PGM2L1: variants seen among roughly 807,000 people sequenced by gnomAD.
PGM2L1 encodes the protein phosphoglucomutase 2 like 1, also known as glucose 1,6-bisphosphate synthase.
In PGM2L1, 35 loss-of-function variants were observed where a neutral mutation model predicts 73.4. The observed-to-expected ratio is 0.48, with a 90% CI of 0.36 to 0.63. The LOEUF (loss-of-function observed/expected upper bound fraction) is 0.63, where lower values mean the gene tolerates loss of function less well. Ranked by LOEUF, PGM2L1 falls within the 30% of genes least tolerant of loss-of-function variation. PGM2L1 has a pLI of 0.00. For synonymous variants in PGM2L1, 225 were observed against 253.8 expected, an observed-to-expected ratio of 0.89 and a Z score of 1.08; for missense variants, 570 against 742.0, an observed-to-expected ratio of 0.77 and a Z score of 2.69.
At chr11:74,366,551 T>A (rs1342778089) in intron 5 of PGM2L1, among the ~76,000 whole-genome samples, 1 of 150,948 alleles carries the variant, frequency 6.6e-6, no homozygotes. Context: ...TTAGATAAGG[T>A]AGCCAGGGAA....
chr11:74,383,842 T>TATATATAA (rs1484974192), intron 1 of PGM2L1, among the ~76,000 whole-genome samples: 1 of 146,794 alleles, frequency 6.8e-6, no homozygotes, highest in African/African-American at 2.5e-5. Context: ...TATATATATA[T>TATATATAA]AACATTTTCT....
chr11:74,387,962 A>G (rs1863040160), intron 1 of PGM2L1, among the ~76,000 whole-genome samples: 1 of 152,200 alleles, frequency 6.6e-6, no homozygotes, highest in African/African-American at 2.4e-5. Flanking sequence ...ATACTTGTAA[A>G]ATGCAGTTTT....
At chr11:74,345,441 G>A in intron 9 of PGM2L1, 28 bp downstream of exon 9, 1 of 1,564,314 alleles carries the variant, frequency 6.4e-7, no homozygotes, top group Middle Eastern at 1.8e-4. Flanking sequence ...GTTTTAAAAA[G>A]TAGCACACAG....
At chr11:74,361,208 G>A (rs925042384) in intron 5 of PGM2L1, among the ~76,000 whole-genome samples, 1 of 152,152 alleles carries the variant, frequency 6.6e-6, no homozygotes, top group African/African-American at 2.4e-5. Flanking sequence ...AGCTTCTAGA[G>A]GAACAATCAG....
intron 9 of PGM2L1, among the ~76,000 whole-genome samples, chr11:74,344,123 T>C (rs1862227813): frequency 6.6e-6 from 1 of 152,012 alleles, no homozygotes; most frequent in South Asian, 2.1e-4. Flanking sequence ...AAACACAGCC[T>C]TGAAAGATAA....
rs1862745187 is a variant in PGM2L1, at chr11:74,371,090, T to G, written c.387-104A>C. On this transcript the variant is annotated intron_variant, in intron 3 of 13. Coordinates refer to ENST00000298198, the MANE Select transcript of PGM2L1 (RefSeq NM_173582.6). ...TTATAATTAGTCTGAATAAATAGTA[T>G]CCTAATATAGCCCTTTCTTATAATC... The G allele has an allele frequency of 1.2e-5, 9 of 751,488 alleles. No individual in the cohort carries two copies. In the East Asian group the frequency reaches 2.5e-4, roughly 21 times the overall value. The allele number at this position is 751,488 out of a possible 1,614,324, so 46.6% of individuals were successfully genotyped here.
In PGM2L1 at chr11:74,391,826, GCTGGTA is replaced by G. The variant is rs929865765; in HGVS notation, c.111+6219_111+6224del. ...TGACTACGCTAGGTACCTTATATAA[GCTGGTA>G]TGGGTTTTCTCTGTTTTCATGTATA... On this transcript the variant is annotated intron_variant, in intron 1 of 13. Transcript: ENST00000298198. 2.2e-3 allele frequency among the ~76,000 whole-genome samples: 311 copies of G among 144,372 alleles called. 2 individuals carry two copies. The highest frequency in any genetic ancestry group is 7.8e-3 in the African/African-American group (299 of 38,184). The allele number at this position is 144,372 out of a possible 152,430, so 94.7% of individuals were successfully genotyped here.
intron 5 of PGM2L1, chr11:74,355,751 A>C: frequency 2.1e-6 from 1 of 481,222 alleles, no homozygotes; most frequent in South Asian, 1.5e-5. Context: ...AAAGCTTAGC[A>C]TGAGAGGAGA....
intron 1 of PGM2L1, among the ~76,000 whole-genome samples, chr11:74,389,856 C>A (rs1863067738): frequency 6.8e-6 from 1 of 147,318 alleles, no homozygotes; most frequent in Non-Finnish European, 1.5e-5. Context: ...GTAATCCCAG[C>A]ACTTTGTGAG....
chr11:74,360,777 C>G (rs1862550131), intron 5 of PGM2L1, among the ~76,000 whole-genome samples: 1 of 152,230 alleles, frequency 6.6e-6, no homozygotes, highest in Admixed American at 6.5e-5. Context: ...TCGGAGGGTC[C>G]CATGCCCACA....
intron 5 of PGM2L1, among the ~76,000 whole-genome samples, chr11:74,362,170 G>A (rs983994275): frequency 6.6e-6 from 1 of 152,166 alleles, no homozygotes; most frequent in Non-Finnish European, 1.5e-5. Context: ...TACTCACAAA[G>A]GGAAACCCAT....
At chr11:74,389,778 T>C (rs1022877987) in intron 1 of PGM2L1, among the ~76,000 whole-genome samples, 4 of 149,562 alleles carry the variant, frequency 2.7e-5, no homozygotes, top group Admixed American at 1.3e-4. Flanking sequence ...CAAAGACATA[T>C]CCGAATAGGT....
chr11:74,354,972 G>A (rs2134903104), intron 5 of PGM2L1: 1 of 1,052,280 alleles, frequency 9.5e-7, no homozygotes, highest in Non-Finnish European at 1.5e-6. Flanking sequence ...CAACTGTGAA[G>A]TCAGGAAAGC....
chr11:74,342,285 A>G (rs566348190), intron 12 of PGM2L1, among the ~76,000 whole-genome samples, 176 bp downstream of exon 12: 10 of 152,176 alleles, frequency 6.6e-5, no homozygotes, highest in Middle Eastern at 3.4e-3. Flanking sequence ...CCCCTAGTAC[A>G]TTGCCCTATA....
chr11:74,357,305 T>C (rs146511957), intron 5 of PGM2L1, among the ~76,000 whole-genome samples: 62 of 152,296 alleles, frequency 4.1e-4, no homozygotes, highest in African/African-American at 1.4e-3. Flanking sequence ...TTGCGAAAGA[T>C]GTATCTGAAA....
chr11:74,338,880 G>C (rs1017581715), intron 12 of PGM2L1, among the ~76,000 whole-genome samples: 9 of 151,974 alleles, frequency 5.9e-5, no homozygotes, highest in African/African-American at 1.9e-4. Context: ...CTTAAAAATG[G>C]TTAAGATAGT....
Position 74,332,224 on chromosome 11 carries a change from GT to G in PGM2L1, c.*4427del, listed in dbSNP as rs1431602042. 6.6e-6 allele frequency: 1 copy of G among 152,146 alleles called. No homozygotes were observed. The highest frequency in any genetic ancestry group is 1.5e-5 in the Non-Finnish European group (1 of 68,028). 9.4% of individuals were successfully genotyped at this position (152,146 alleles called of 1,614,324 possible). ...AGTACAAGGAAACCTGAAATAGAAT[GT>G]TATGTCAATTGCCCATTCATTTTGG... On this transcript the variant is annotated 3_prime_UTR_variant, in exon 14 of 14. Transcript: ENST00000298198.
At chr11:74,336,793 C>T in intron 13 of PGM2L1, 39 bp from the exon 14 acceptor site, 1 of 1,389,736 alleles carries the variant, frequency 7.2e-7, no homozygotes, top group South Asian at 1.3e-5. Flanking sequence ...TATTTATTTT[C>T]ATAGGCTTAA....
chr11:74,381,420 A>C (rs10898981), intron 1 of PGM2L1, among the ~76,000 whole-genome samples: 90,157 of 151,940 alleles, frequency 0.59, 28,796 homozygotes, highest in East Asian at 0.82. Flanking sequence ...AAGATGGAAT[A>C]AATGATTTCA....
Sources: gnomAD v4.1 joint callset for allele counts (sites outside exome capture counted in the v4.1 genomes callset) on GRCh38, gnomAD v4.1.1 for gene constraint, MANE v1.5 for transcripts, NCBI Gene and HGNC (gene_info 2026-07-23, HGNC 2026-07-21) for gene names.